The following HIPK2 variants were observed in gnomAD, a reference collection of about 807,000 sequenced individuals.
The protein encoded by HIPK2 is homeodomain interacting protein kinase 2.
HIPK2 carries 27 observed loss-of-function variants against 113.7 expected under a neutral mutation model. That is an observed-to-expected ratio of 0.24 (90% CI 0.17 to 0.33). The LOEUF (loss-of-function observed/expected upper bound fraction) is 0.33. Among genes scored for constraint, HIPK2 ranks in the 10% least tolerant of loss-of-function variants. The pLI is 1.00. For missense variants in HIPK2, 1,257 were observed against 1,588.0 expected (o/e 0.79, Z 3.54); for synonymous variants, 631 against 642.2 (o/e 0.98, Z 0.26).
At chr7:139,597,133 C>A (rs1799250759) in intron 11 of HIPK2, 135 bp from the exon 12 acceptor site, 3 of 903,006 alleles carry the variant, frequency 3.3e-6, no homozygotes, top group Non-Finnish European at 3.3e-6. Context: ...AATGAGCCTC[C>A]ATCTGTGACT....
chr7:139,662,321 T>C (rs1487588325), intron 2 of HIPK2, among the ~76,000 whole-genome samples: 1 of 152,250 alleles, frequency 6.6e-6, no homozygotes, highest in African/African-American at 2.4e-5. Context: ...AAGCACTGTA[T>C]AAAGGTAAGG....
At chr7:139,597,068 T>C (rs894456058) in intron 11 of HIPK2, 70 bp from the exon 12 acceptor site, 2 of 1,492,210 alleles carry the variant, frequency 1.3e-6, no homozygotes, top group African/African-American at 1.4e-5. Flanking sequence ...AGGAGCCCAA[T>C]TGCCTAGAAA....
At chr7:139,585,499 C>CTT (rs1254009436) in intron 12 of HIPK2, among the ~76,000 whole-genome samples, 2 of 152,204 alleles carry the variant, frequency 1.3e-5, no homozygotes, top group African/African-American at 4.8e-5. Flanking sequence ...GGTGCCTAAC[C>CTT]GTGTTCGTGG....
At chr7:139,607,911 G>A (rs148068231) in intron 9 of HIPK2, among the ~76,000 whole-genome samples, 2 of 152,146 alleles carry the variant, frequency 1.3e-5, no homozygotes, top group Non-Finnish European at 2.9e-5. Context: ...TAGAAACACA[G>A]AGTTAAAGAA....
At chr7:139,583,586 G>C (rs1798738039) in intron 13 of HIPK2, 2 of 575,564 alleles carry the variant, frequency 3.5e-6, no homozygotes. Flanking sequence ...CCATTGTAAA[G>C]GCAGAGAGGT....
intron 1 of HIPK2, among the ~76,000 whole-genome samples, chr7:139,721,472 G>A (rs1795405850): frequency 6.6e-6 from 1 of 152,170 alleles, no homozygotes; most frequent in Non-Finnish European, 1.5e-5. Flanking sequence ...ATCCTAAAGT[G>A]AGGGACAATA....
intron 7 of HIPK2, among the ~76,000 whole-genome samples, chr7:139,618,294 G>T (rs1800124553): frequency 6.6e-6 from 1 of 152,228 alleles, no homozygotes; most frequent in African/African-American, 2.4e-5. Flanking sequence ...TGGAGGGAAA[G>T]CATGCCTTAG....
At chr7:139,717,130 C>T in intron 1 of HIPK2, 115 bp from the exon 2 acceptor site, 1 of 1,293,776 alleles carries the variant, frequency 7.7e-7, no homozygotes, top group African/African-American at 1.5e-5. Flanking sequence ...ATATTCCTCC[C>T]ACTTGAAAAC....
At chr7:139,633,443 T>C (rs185558147) in intron 2 of HIPK2, among the ~76,000 whole-genome samples, 2 of 152,296 alleles carry the variant, frequency 1.3e-5, no homozygotes, top group Admixed American at 1.3e-4. Context: ...TTTTTCTTTA[T>C]ATAATAGTAT....
intron 2 of HIPK2, among the ~76,000 whole-genome samples, chr7:139,713,414 G>C (rs954220245): frequency 1.3e-5 from 2 of 152,146 alleles, no homozygotes; most frequent in African/African-American, 4.8e-5. Flanking sequence ...GCACCAGGCA[G>C]GAAAGCAAAG....
At chr7:139,646,716 C>A (rs1216824175) in intron 2 of HIPK2, among the ~76,000 whole-genome samples, 8 of 152,154 alleles carry the variant, frequency 5.3e-5, no homozygotes, top group Admixed American at 1.3e-4. Context: ...AAACACTACT[C>A]CAGCCAACTG....
intron 2 of HIPK2, among the ~76,000 whole-genome samples, chr7:139,654,527 A>G (rs964602392): frequency 1.3e-5 from 2 of 152,080 alleles, no homozygotes; most frequent in African/African-American, 2.4e-5. Context: ...ACAAACAAAC[A>G]AAAAACCCCC....
At chr7:139,633,065 C>G (rs971580511) in intron 2 of HIPK2, among the ~76,000 whole-genome samples, 13 of 130,780 alleles carry the variant, frequency 9.9e-5, no homozygotes, top group Non-Finnish European at 1.7e-4. Context: ...CACTCTACTC[C>G]AGCCTGGACG....
At chr7:139,693,414 G>A (rs1794469347) in intron 2 of HIPK2, among the ~76,000 whole-genome samples, 1 of 152,180 alleles carries the variant, frequency 6.6e-6, no homozygotes, top group Non-Finnish European at 1.5e-5. Flanking sequence ...ATAACCCTGA[G>A]GGATTAGGAA....
intron 2 of HIPK2, among the ~76,000 whole-genome samples, chr7:139,635,410 C>T (rs183586516): frequency 2.0e-4 from 31 of 152,316 alleles, no homozygotes; most frequent in African/African-American, 7.5e-4. Context: ...ACGGAAACCT[C>T]GTTTTCCAGT....
chr7:139,771,624 C>G (rs1308258451), intron 1 of HIPK2, among the ~76,000 whole-genome samples: 1 of 152,158 alleles, frequency 6.6e-6, no homozygotes, highest in African/African-American at 2.4e-5. Flanking sequence ...GACATGGTTC[C>G]TGCCCTCCAG....
intron 12 of HIPK2, among the ~76,000 whole-genome samples, chr7:139,586,804 G>A (rs544282655): frequency 1.3e-5 from 2 of 152,080 alleles, no homozygotes; most frequent in African/African-American, 4.8e-5. Flanking sequence ...GATGAACCTC[G>A]AAAATATTAA....
intron 1 of HIPK2, among the ~76,000 whole-genome samples, chr7:139,763,328 G>A (rs1279241786): frequency 6.6e-6 from 1 of 152,188 alleles, no homozygotes; most frequent in African/African-American, 2.4e-5. Flanking sequence ...GGAAGGTCAA[G>A]AACAGGCATG....
At chr7:139,743,159 T>G (rs541026795) in intron 1 of HIPK2, among the ~76,000 whole-genome samples, 1 of 152,138 alleles carries the variant, frequency 6.6e-6, no homozygotes, top group East Asian at 1.9e-4. Context: ...CAGGGGACCC[T>G]GCCGGACCCT....
Sources: gnomAD v4.1 joint callset for allele counts (sites outside exome capture counted in the v4.1 genomes callset) on GRCh38, gnomAD v4.1.1 for gene constraint, MANE v1.5 for transcripts, NCBI Gene and HGNC (gene_info 2026-07-23, HGNC 2026-07-21) for gene names.